Variants in SNX9 observed in about 807,000 individuals in gnomAD.
The protein encoded by SNX9 is sorting nexin-9.
A neutral mutation model predicts 89.4 loss-of-function variants in SNX9; 44 were observed. That is an observed-to-expected ratio of 0.49 (90% CI 0.39 to 0.63). The LOEUF is 0.63. Among genes scored for constraint, SNX9 ranks in the 30% least tolerant of loss-of-function variants. The pLI is 0.00. For missense variants in SNX9, 578 were observed against 736.1 expected, an observed-to-expected ratio of 0.79 and a Z score of 2.49; for synonymous variants, 236 against 247.8, an observed-to-expected ratio of 0.95 and a Z score of 0.45.
At chr6:157,922,880 T>A (rs1783611216) in intron 10 of SNX9, among the ~76,000 whole-genome samples, 1 of 152,190 alleles carries the variant, frequency 6.6e-6, no homozygotes, top group Admixed American at 6.5e-5. Context: ...ATTCAGTAAA[T>A]ATTTGGGTTA....
chr6:157,916,159 C>T (rs910238510), intron 9 of SNX9, among the ~76,000 whole-genome samples: 3 of 151,972 alleles, frequency 2.0e-5, no homozygotes, highest in Non-Finnish European at 4.4e-5. Context: ...CTCAGCCTCC[C>T]GAGTAGCTGG....
chr6:157,899,333 C>G (rs1783046179), intron 5 of SNX9, among the ~76,000 whole-genome samples: 1 of 152,132 alleles, frequency 6.6e-6, no homozygotes, highest in Non-Finnish European at 1.5e-5. Flanking sequence ...TTCGTCCTCC[C>G]CAAGCCTCTA....
chr6:157,924,113 G>A (rs1326756941), intron 10 of SNX9, among the ~76,000 whole-genome samples: 7 of 152,026 alleles, frequency 4.6e-5, no homozygotes, highest in African/African-American at 9.7e-5. Flanking sequence ...CAGGAGAATC[G>A]TTGGAACCCG....
At chr6:157,938,545 G>A (rs890086369) in intron 15 of SNX9, 88 bp from the exon 16 acceptor site, 6 of 851,334 alleles carry the variant, frequency 7.0e-6, no homozygotes, top group Non-Finnish European at 1.1e-5. Flanking sequence ...TAGCAAATCA[G>A]TTATAGAATA....
intron 1 of SNX9, among the ~76,000 whole-genome samples, chr6:157,834,162 T>TTTTG (rs1562588767): frequency 4.9e-5 from 5 of 101,724 alleles, no homozygotes; most frequent in African/African-American, 2.3e-4. Flanking sequence ...TTTTTTTTTT[T>TTTTG]TTTTTTTTTT....
intron 9 of SNX9, 128 bp downstream of exon 9, chr6:157,910,153 T>C: frequency 1.4e-6 from 1 of 737,160 alleles, no homozygotes; most frequent in East Asian, 2.6e-5. Context: ...GAAACAGTAA[T>C]TAAATACAGC....
intron 13 of SNX9, among the ~76,000 whole-genome samples, chr6:157,932,814 C>T (rs1783839410): frequency 6.9e-6 from 1 of 145,536 alleles, no homozygotes; most frequent in African/African-American, 2.6e-5. Flanking sequence ...TTGCACTGAG[C>T]CATGATCTTA....
intron 1 of SNX9, among the ~76,000 whole-genome samples, chr6:157,849,090 G>A (rs890736842): frequency 6.6e-6 from 1 of 152,218 alleles, no homozygotes; most frequent in Non-Finnish European, 1.5e-5. Context: ...CAGCCTGGGT[G>A]ACAGTGAGAC....
Position 157,827,051 on chromosome 6 carries a change from A to T in SNX9, c.12+3605A>T, listed in dbSNP as rs1368452691. 4.4e-3 allele frequency among the ~76,000 whole-genome samples: 30 copies of T among 6,882 alleles called. 6 individuals carry two copies. Among genetic ancestry groups the T allele is most frequent in the African/African-American group, 0.014 (7 of 494 alleles). 4.5% of individuals were successfully genotyped at this position (6,882 alleles called of 152,430 possible). A position where few individuals can be genotyped will look rare whatever the true frequency, so the allele number is the denominator to read the frequency against. ...ATACATATATATTATAGTTTATATA[A>T]TATATAAACATATATTATAGTTTAT... On this transcript the variant is annotated intron_variant, in intron 1 of 17. Coordinates refer to ENST00000392185, the MANE Select transcript of SNX9 (RefSeq NM_016224.5).
intron 1 of SNX9, among the ~76,000 whole-genome samples, chr6:157,834,504 C>G (rs376350632): frequency 3.3e-4 from 48 of 147,050 alleles, no homozygotes; most frequent in Middle Eastern, 6.9e-3. Flanking sequence ...GTGCCACCCC[C>G]CCGGCCAATT....
intron 9 of SNX9, among the ~76,000 whole-genome samples, chr6:157,915,800 G>C (rs1783455211): frequency 7.6e-6 from 1 of 131,242 alleles, no homozygotes; most frequent in South Asian, 2.5e-4. Context: ...ACTCCAGTCT[G>C]GGCGACAGAG....
intron 1 of SNX9, among the ~76,000 whole-genome samples, chr6:157,865,268 G>GGC (rs940140711): frequency 9.2e-5 from 14 of 151,730 alleles, no homozygotes; most frequent in African/African-American, 3.2e-4. Context: ...GAACCCAGGA[G>GGC]GCAGAGGTTG....
intron 9 of SNX9, among the ~76,000 whole-genome samples, chr6:157,919,569 T>G (rs1433860521): frequency 6.6e-6 from 1 of 152,200 alleles, no homozygotes; most frequent in Non-Finnish European, 1.5e-5. Flanking sequence ...TTTGGTAACT[T>G]CTCTCTCCTT....
intron 9 of SNX9, among the ~76,000 whole-genome samples, chr6:157,916,055 G>T (rs1214558540): frequency 6.7e-6 from 1 of 149,780 alleles, no homozygotes; most frequent in Non-Finnish European, 1.5e-5. Flanking sequence ...TTTTGTTTGA[G>T]ACGGAGTCTC....
intron 16 of SNX9, among the ~76,000 whole-genome samples, chr6:157,939,076 G>A (rs1038925438): frequency 6.6e-6 from 1 of 151,982 alleles, no homozygotes; most frequent in African/African-American, 2.4e-5. Context: ...TGTAACCTGC[G>A]TGCCTTGGGA....
chr6:157,921,772 C>T (rs1783589140), intron 10 of SNX9, 111 bp downstream of exon 10: 4 of 1,249,996 alleles, frequency 3.2e-6, no homozygotes, highest in Non-Finnish European at 2.2e-6. Context: ...TTCTCACTTC[C>T]TCCAGTGACA....
intron 1 of SNX9, among the ~76,000 whole-genome samples, chr6:157,825,240 T>G (rs1410801568): frequency 6.6e-6 from 1 of 151,926 alleles, no homozygotes; most frequent in Admixed American, 6.6e-5. Context: ...AGAGCGAGAC[T>G]CCGTTTGAAA....
intron 3 of SNX9, chr6:157,874,658 T>C (rs7768913): frequency 0.29 from 47,977 of 167,702 alleles, 8,062 homozygotes; most frequent in African/African-American, 0.48. Context: ...GAACATTCTC[T>C]AAGACAGACC....
intron 4 of SNX9, among the ~76,000 whole-genome samples, chr6:157,880,387 C>T (rs752870624): frequency 8.5e-5 from 13 of 152,306 alleles, no homozygotes; most frequent in Middle Eastern, 3.4e-3. Context: ...CTATTCTACC[C>T]TCTCTAATCG....
Sources: gnomAD v4.1 joint callset for allele counts (sites outside exome capture counted in the v4.1 genomes callset) on GRCh38, gnomAD v4.1.1 for gene constraint, MANE v1.5 for transcripts, NCBI Gene and HGNC (gene_info 2026-07-23, HGNC 2026-07-21) for gene names.